The following PGBD1 variants were observed in gnomAD, a reference collection of about 807,000 sequenced individuals.
PGBD1 encodes piggyBac transposable element-derived protein 1.
In PGBD1, 25 loss-of-function variants were observed where a neutral mutation model predicts 34.7. The ratio of observed to expected loss-of-function variants is 0.72; its 90% CI spans 0.52 to 1.00. PGBD1 has a LOEUF of 1.00. Ranked by LOEUF, PGBD1 falls within the 50% of genes least tolerant of loss-of-function variation. The pLI is 0.00. For missense variants in PGBD1, 830 were observed against 959.4 expected (o/e 0.87, Z 1.78); for synonymous variants, 292 against 335.7 (o/e 0.87, Z 1.42).
Position 28,283,758 on chromosome 6 carries a change from C to A in PGBD1, c.-38-18C>A. On this transcript the variant is annotated intron_variant, in intron 1 of 6. Transcript: ENST00000682144. Reference sequence around the variant, plus strand: ...GCTGATAAATTCTTATGCCTCAGATCTCTATTTCTGAATATAGACCCCAAG... The same window carrying A: ...GCTGATAAATTCTTATGCCTCAGATATCTATTTCTGAATATAGACCCCAAG... 1 of 1,503,274 alleles carries A rather than the reference C, an allele frequency of 6.7e-7. No individual in the cohort carries two copies. Among genetic ancestry groups the A allele is most frequent in the Non-Finnish European group, 8.9e-7 (1 of 1,126,240 alleles). 93.1% of individuals were successfully genotyped at this position (1,503,274 alleles called of 1,614,324 possible). A position where few individuals can be genotyped will look rare whatever the true frequency, so the allele number is the denominator to read the frequency against.
rs1554137372 is a variant in PGBD1 at position 28,287,047 on chromosome 6, C to G, written c.554-33C>G. 2.6e-6 allele frequency: 4 copies of G among 1,550,716 alleles called. No homozygotes were observed. The East Asian group carries it at 6.7e-5, about 26-fold the overall frequency. ...AAGGGTACCCTAAAGGCCATCATGT[C>G]TCATTTAGGACTCTTGCCCTCTCTC... On this transcript the variant is annotated intron_variant, in intron 3 of 6. Transcript: ENST00000682144.
chr6:28,289,717 T>C (rs1762390254), intron 4 of PGBD1, among the ~76,000 whole-genome samples: 1 of 152,146 alleles, frequency 6.6e-6, no homozygotes, highest in South Asian at 2.1e-4. Flanking sequence ...CCAGGCAACA[T>C]GGTAAGATCC....
At chr6:28,283,056 T>C (rs1389780389) in intron 1 of PGBD1, among the ~76,000 whole-genome samples, 2 of 152,236 alleles carry the variant, frequency 1.3e-5, no homozygotes, top group African/African-American at 2.4e-5. Context: ...GAGTTACTAA[T>C]AGAGCTGCAT....
intron 2 of PGBD1, among the ~76,000 whole-genome samples, chr6:28,284,916 T>C (rs886563116): frequency 2.0e-5 from 3 of 152,218 alleles, no homozygotes; most frequent in Admixed American, 1.3e-4. Context: ...TACTATCATA[T>C]AACCTTAGTC....
chr6:28,285,066 T>G (rs1762246337), intron 2 of PGBD1, among the ~76,000 whole-genome samples: 1 of 152,328 alleles, frequency 6.6e-6, no homozygotes, highest in Middle Eastern at 3.4e-3. Flanking sequence ...GCTGTCTTTG[T>G]CATGACGTTG....
rs201805640 is a variant in PGBD1, at chr6:28,286,713, T to G, written c.554-367T>G. Among the ~76,000 whole-genome samples, 3 of 152,184 alleles carry G rather than the reference T, an allele frequency of 2.0e-5. No homozygotes were observed. In the East Asian group the frequency reaches 5.8e-4, roughly 29 times the overall value. On this transcript the variant is annotated intron_variant, in intron 3 of 6. Transcript: ENST00000682144. ...TCCCCTCAGTCTCATCTCTCTACTC[T>G]CTACATCCTTTCTTTTGCCTCTGTG...
intron 4 of PGBD1, among the ~76,000 whole-genome samples, chr6:28,292,137 G>A (rs1762476478): frequency 6.6e-6 from 1 of 152,126 alleles, no homozygotes; most frequent in South Asian, 2.1e-4. Context: ...AAAAAGTCAG[G>A]TTAGTCTGTT....
intron 4 of PGBD1, among the ~76,000 whole-genome samples, chr6:28,294,758 A>G (rs1243341524): frequency 6.6e-6 from 1 of 152,214 alleles, no homozygotes; most frequent in Non-Finnish European, 1.5e-5. Flanking sequence ...TTCTTTGAAA[A>G]TATTACTGCT....
chr6:28,302,346 G>A lies in PGBD1; in HGVS notation c.*62G>A, dbSNP rs9468331. 1.8e-3 allele frequency: 2,739 copies of A among 1,482,920 alleles called. 34 individuals carry two copies. In the African/African-American group the frequency reaches 0.032, roughly 17 times the overall value. 91.9% of individuals were successfully genotyped at this position (1,482,920 alleles called of 1,614,324 possible). ...ACATAGAAAAATAATAATTATACAT[G>A]CTGTTGTACCCTCCCAAAGTAAATC... is the stretch of plus-strand genomic sequence containing the variant. On this transcript the variant is annotated 3_prime_UTR_variant, in exon 7 of 7. Coordinates refer to ENST00000682144, the MANE Select transcript of PGBD1 (RefSeq NM_032507.4).
rs528194245 is a variant in PGBD1, at chr6:28,296,171, A to G, written c.643-645A>G. 5.9e-4 allele frequency among the ~76,000 whole-genome samples: 90 copies of G among 152,336 alleles called. 4 individuals carry two copies. The South Asian group carries it at 0.017, about 29-fold the overall frequency. ...GCCTACATATCATTACTAGCTTTGA[A>G]ATGTTTTTAAACAATCTTTGTTGAT... On this transcript the variant is annotated intron_variant, in intron 4 of 6. Transcript: ENST00000682144.
Position 28,302,317 on chromosome 6 carries a change from T to C in PGBD1, c.*33T>C, listed in dbSNP as rs756076453. The stretch of plus-strand genomic sequence containing the variant: ...AAAATGGACATAGTGCAGACATTAA[T>C]AAGACATAGAAAAATAATAATTATA... On this transcript the variant is annotated 3_prime_UTR_variant, in exon 7 of 7. Coordinates refer to ENST00000682144, the MANE Select transcript of PGBD1 (RefSeq NM_032507.4). 3 of 1,563,598 alleles carry C rather than the reference T, an allele frequency of 1.9e-6. No individual in the cohort carries two copies. In the Admixed American group the frequency reaches 5.7e-5, roughly 30 times the overall value.
intron 4 of PGBD1, among the ~76,000 whole-genome samples, chr6:28,293,233 G>A (rs1051237858): frequency 1.3e-5 from 2 of 152,240 alleles, no homozygotes; most frequent in East Asian, 3.9e-4. Flanking sequence ...GAGCCACCAC[G>A]CCAGGCCTCC....
At chr6:28,288,910 C>A (rs955737170) in intron 4 of PGBD1, among the ~76,000 whole-genome samples, 2 of 152,034 alleles carry the variant, frequency 1.3e-5, no homozygotes, top group African/African-American at 4.8e-5. Context: ...ATCGCTTGAA[C>A]CTGGGAGATG....
intron 5 of PGBD1, 22 bp downstream of exon 5, chr6:28,296,967 G>A: frequency 6.2e-7 from 1 of 1,613,172 alleles, no homozygotes; most frequent in Non-Finnish European, 8.5e-7. Context: ...CCTCTGGCTG[G>A]ACCCCTGTCT....
At position 28,301,253 on chromosome 6, in the gene PGBD1, A is replaced by G; in HGVS notation, c.1399A>G (p.Ser467Gly). 3 of 1,614,154 alleles carry G rather than the reference A, an allele frequency of 1.9e-6. No homozygotes were observed. Among genetic ancestry groups the G allele is most frequent in the Non-Finnish European group, 2.5e-6 (3 of 1,180,024 alleles). ...GTGTGTGTTTGGTGTCTTACTTTTG[A>G]GTGGATTTATGAGGCATCCTAGAAG... ...MRCVFGVLLL[S>G]GFMRHPRREM... The change falls in exon 7 of 7, where the codon AGT (serine) becomes GGT (glycine). Residue 467 changes from serine (S) to glycine (G), a missense_variant. Around this residue, in one of 3 missense-constraint regions of PGBD1, gnomAD observed 372 missense variants for 427.9 expected, o/e 0.87. Coordinates refer to ENST00000682144, the MANE Select transcript of PGBD1 (RefSeq NM_032507.4).
At chr6:28,290,920 C>T (rs1349395339) in intron 4 of PGBD1, among the ~76,000 whole-genome samples, 1 of 151,760 alleles carries the variant, frequency 6.6e-6, no homozygotes, top group Non-Finnish European at 1.5e-5. Context: ...GAAAATGTGA[C>T]ATATCAAAAT....
Position 28,301,837 on chromosome 6 carries a change from G to A in PGBD1, c.1983G>A (p.Met661Ile). The A allele has an allele frequency of 6.2e-7, 1 of 1,614,140 alleles. No individual in the cohort carries two copies. The highest frequency in any genetic ancestry group is 1.6e-4 in the Middle Eastern group (1 of 6,062). Residue 661 changes from methionine (M) to isoleucine (I), a missense_variant, in exon 7 of 7, where the codon ATG (methionine) becomes ATA (isoleucine). Physicochemically the swap from Met to Ile is conservative, Grantham distance 10. This residue lies in a region of PGBD1 where 372 missense variants were observed against 427.9 expected (regional missense o/e 0.87). Coordinates refer to ENST00000682144, the MANE Select transcript of PGBD1 (RefSeq NM_032507.4). Reference sequence around the variant, plus strand: ...ACAGGACCGAAAAATGTCCCCTTATGAATGTAGAACATATGAAAAAAATGA... The same window carrying A: ...ACAGGACCGAAAAATGTCCCCTTATAAATGTAGAACATATGAAAAAAATGA... ...RENRTEKCPL[M>I]NVEHMKKMKR...
intron 6 of PGBD1, among the ~76,000 whole-genome samples, chr6:28,298,287 G>T (rs915456069): frequency 6.6e-6 from 1 of 152,098 alleles, no homozygotes; most frequent in Non-Finnish European, 1.5e-5. Flanking sequence ...TTATGGAGCT[G>T]TGGAGAAGCT....
In PGBD1 at chr6:28,302,382, A is replaced by C; in HGVS notation, c.*98A>C. The C allele has an allele frequency of 1.7e-6, 2 of 1,197,256 alleles. No homozygotes were observed. Among genetic ancestry groups the C allele is most frequent in the Non-Finnish European group, 2.3e-6 (2 of 869,820 alleles). 74.2% of individuals were successfully genotyped at this position (1,197,256 alleles called of 1,614,324 possible). ...CTCCCAAAGTAAATCTGATATATGTAATGAAGTTATTAAATAATACTTTTA... is the reference window on the plus strand; with the variant it reads ...CTCCCAAAGTAAATCTGATATATGTCATGAAGTTATTAAATAATACTTTTA... On this transcript the variant is annotated 3_prime_UTR_variant, in exon 7 of 7. Transcript: ENST00000682144.
Sources: allele counts gnomAD v4.1 joint callset (sites outside exome capture counted in the v4.1 genomes callset), GRCh38; gene constraint gnomAD v4.1.1; regional missense constraint gnomAD v4.1.1; transcripts MANE v1.5; gene names NCBI Gene and HGNC (gene_info 2026-07-23, HGNC 2026-07-21).